Variants in JAKMIP1 observed in about 807,000 individuals in gnomAD.
The protein encoded by JAKMIP1 is janus kinase and microtubule-interacting protein 1.
JAKMIP1 carries 33 observed loss-of-function variants against 113.0 expected under a neutral mutation model. That is an observed-to-expected ratio of 0.29 (90% CI 0.22 to 0.39). The LOEUF (loss-of-function observed/expected upper bound fraction) is 0.39, where lower values mean the gene tolerates loss of function less well. Among genes scored for constraint, JAKMIP1 ranks in the 10% least tolerant of loss-of-function variants. The pLI, the probability that JAKMIP1 is intolerant of heterozygous loss-of-function variation, is 1.00. For missense variants in JAKMIP1, 813 were observed against 1,080.5 expected, an observed-to-expected ratio of 0.75 and a Z score of 3.47; for synonymous variants, 480 against 459.9, an observed-to-expected ratio of 1.04 and a Z score of -0.56.
At chr4:6,092,174 C>T (rs1462374632) in intron 3 of JAKMIP1, among the ~76,000 whole-genome samples, 2 of 152,202 alleles carry the variant, frequency 1.3e-5, no homozygotes. Context: ...CCCCTCCCTC[C>T]CAGCCGTCCT....
In JAKMIP1 at chr4:6,193,937, G is replaced by A. The variant is rs79216536; in HGVS notation, c.-148+6316C>T. ...ATGAATAGACCATTGTGTTGTATAC[G>A]CACCATGGAATACTACTCCGCCATG... On this transcript the variant is annotated intron_variant, in intron 1 of 20. Coordinates refer to ENST00000409021, the MANE Select transcript of JAKMIP1 (RefSeq NM_001099433.2). The surrounding 1 kb of genome is among the most constrained non-coding windows in gnomAD (Gnocchi z 6.4). Among the ~76,000 whole-genome samples the A allele has an allele frequency of 7.7e-3, 1,170 of 152,226 alleles. 6 individuals are homozygous for A. The highest frequency in any genetic ancestry group is 0.02 in the Middle Eastern group (6 of 294).
In JAKMIP1 at chr4:6,088,181, G is replaced by A. The variant is rs986198073; in HGVS notation, c.625-2552C>T. On this transcript the variant is annotated intron_variant, in intron 3 of 20. Transcript: ENST00000409021. This position sits in a 1 kb window ranked among gnomAD's most constrained non-coding sequence, Gnocchi z 5.5. ...AAAGAGACCAGCCGCCCTGCCCTAG[G>A]GGCTTCTATTCTGCTAGTGGGCGGA... Among the ~76,000 whole-genome samples, 1 of 152,186 alleles carries A rather than the reference G, an allele frequency of 6.6e-6. No homozygotes were observed. Among genetic ancestry groups the A allele is most frequent in the Admixed American group, 6.5e-5 (1 of 15,292 alleles).
intron 5 of JAKMIP1, 101 bp downstream of exon 5, chr4:6,084,745 G>A: frequency 8.2e-7 from 1 of 1,216,934 alleles, no homozygotes; most frequent in Non-Finnish European, 1.1e-6. Flanking sequence ...CAGAGAACCA[G>A]AAGGCTTCTG....
At position 6,059,223 on chromosome 4, in the gene JAKMIP1, G is replaced by C. The variant is rs1181936475; in HGVS notation, c.1644+1201C>G. Among the ~76,000 whole-genome samples the C allele has an allele frequency of 6.6e-6, 1 of 152,180 alleles. No homozygotes were observed. Among genetic ancestry groups the C allele is most frequent in the African/African-American group, 2.4e-5 (1 of 41,456 alleles). On this transcript the variant is annotated intron_variant, in intron 11 of 20. Transcript: ENST00000409021. The surrounding 1 kb of genome is among the most constrained non-coding windows in gnomAD (Gnocchi z 4.8). The stretch of plus-strand genomic sequence containing the variant: ...TCACATTCCCCCACGCAGTCCATTG[G>C]TAAAGTCTGCTGTGGTGACCTGCTC...
At chr4:6,175,572 T>C (rs1482679302) in intron 1 of JAKMIP1, among the ~76,000 whole-genome samples, 1 of 152,226 alleles carries the variant, frequency 6.6e-6, no homozygotes, top group Non-Finnish European at 1.5e-5. Flanking sequence ...TGATCTTCTC[T>C]GCACAGGAGA....
In JAKMIP1 at chr4:6,192,573, G is replaced by C. The variant is rs1459951258; in HGVS notation, c.-148+7680C>G. Among the ~76,000 whole-genome samples the C allele has an allele frequency of 6.6e-6, 1 of 152,204 alleles. No homozygotes were observed. The highest frequency in any genetic ancestry group is 2.4e-5 in the African/African-American group (1 of 41,440). The stretch of plus-strand genomic sequence containing the variant: ...TCACAAAAGAAGGAAGTGAAGCTCA[G>C]AAAGATGAAGGAACGAGCACTCGAT... On this transcript the variant is annotated intron_variant, in intron 1 of 20. Transcript: ENST00000409021. This position sits in a 1 kb window ranked among gnomAD's most constrained non-coding sequence, Gnocchi z 5.0.
chr4:6,112,711 C>T lies in JAKMIP1; in HGVS notation c.129+11G>A, dbSNP rs1245882839. 6.2e-7 allele frequency: 1 copy of T among 1,612,836 alleles called. No individual in the cohort carries two copies. The highest frequency in any genetic ancestry group is 8.5e-7 in the Non-Finnish European group (1 of 1,179,644). On this transcript the variant is annotated intron_variant, in intron 2 of 20. Transcript: ENST00000409021. ...CAGCCCAGCCGCTGCTGAGCTGACG[C>T]CAACCCCCACCTTGCTTTTTTCCTG...
At chr4:6,071,216 C>A (rs978909651) in intron 8 of JAKMIP1, among the ~76,000 whole-genome samples, 1 of 152,184 alleles carries the variant, frequency 6.6e-6, no homozygotes, top group Non-Finnish European at 1.5e-5. Context: ...TGAGGCACCA[C>A]CCGGCCAGGT....
Position 6,187,651 on chromosome 4 carries a change from G to A in JAKMIP1, c.-148+12602C>T, listed in dbSNP as rs990999051. 3.3e-5 allele frequency among the ~76,000 whole-genome samples: 5 copies of A among 152,212 alleles called. No individual in the cohort carries two copies. Among genetic ancestry groups the A allele is most frequent in the Non-Finnish European group, 7.3e-5 (5 of 68,030 alleles). ...GGCCTCACCAGACACTGAATCTGCC[G>A]GTACCTTGATCTTGGACTTCCCAGC... On this transcript the variant is annotated intron_variant, in intron 1 of 20. Coordinates refer to ENST00000409021, the MANE Select transcript of JAKMIP1 (RefSeq NM_001099433.2). The surrounding 1 kb of genome is among the most constrained non-coding windows in gnomAD (Gnocchi z 4.2).
At chr4:6,149,697 GT>G (rs1458996095) in intron 1 of JAKMIP1, among the ~76,000 whole-genome samples, 3 of 152,178 alleles carry the variant, frequency 2.0e-5, no homozygotes, top group South Asian at 2.1e-4. Context: ...TCCCTGCAGG[GT>G]TTTTTTCTTC....
chr4:6,098,474 A>G (rs1712222184), intron 3 of JAKMIP1, among the ~76,000 whole-genome samples: 1 of 150,568 alleles, frequency 6.6e-6, no homozygotes, highest in Admixed American at 6.6e-5. Flanking sequence ...GGCAGGAGGG[A>G]AGGAAAGAAA....
At chr4:6,048,822 C>T (rs776416200) in intron 16 of JAKMIP1, 35 bp downstream of exon 16, 53 of 1,583,266 alleles carry the variant, frequency 3.3e-5, no homozygotes, top group Non-Finnish European at 4.4e-5. Context: ...GAAGCTGGGA[C>T]AAGGTGTGAG....
rs1314834202 is a variant in JAKMIP1 at position 6,086,643 on chromosome 4, C to T, written c.625-1014G>A. 6.6e-6 allele frequency among the ~76,000 whole-genome samples: 1 copy of T among 152,096 alleles called. No homozygotes were observed. The highest frequency in any genetic ancestry group is 3.2e-3 in the Middle Eastern group (1 of 316). On this transcript the variant is annotated intron_variant, in intron 3 of 20. Transcript: ENST00000409021. This position sits in a 1 kb window ranked among gnomAD's most constrained non-coding sequence, Gnocchi z 4.1. ...CCACTCTGGCTTTTTCTGGATGCTC[C>T]AGTGAAGGCACTGTCCTGGTTGAAT... is the stretch of plus-strand genomic sequence containing the variant.
At chr4:6,079,876 C>T (rs932296930) in intron 7 of JAKMIP1, among the ~76,000 whole-genome samples, 6 of 152,220 alleles carry the variant, frequency 3.9e-5, no homozygotes, top group Non-Finnish European at 7.3e-5. Flanking sequence ...GGCCAAAAGA[C>T]ATCCTTAAAA....
In JAKMIP1 at chr4:6,097,111, C is replaced by T. The variant is rs1248636735; in HGVS notation, c.624+8362G>A. ...CAATCTGCTGGCTTCAAGCAATCCT[C>T]CCACCTGGGCCTCCTGAGTAGCTGG... On this transcript the variant is annotated intron_variant, in intron 3 of 20. Coordinates refer to ENST00000409021, the MANE Select transcript of JAKMIP1 (RefSeq NM_001099433.2). The surrounding 1 kb of genome is among the most constrained non-coding windows in gnomAD (Gnocchi z 4.3). 6.6e-6 allele frequency among the ~76,000 whole-genome samples: 1 copy of T among 152,192 alleles called. No individual in the cohort carries two copies. Among genetic ancestry groups the T allele is most frequent in the Non-Finnish European group, 1.5e-5 (1 of 68,042 alleles).
intron 9 of JAKMIP1, among the ~76,000 whole-genome samples, chr4:6,062,788 G>A (rs1263196827): frequency 2.0e-5 from 3 of 152,222 alleles, no homozygotes; most frequent in South Asian, 2.1e-4. Context: ...CCCAACTCCA[G>A]AAGCAAAGGT....
rs571100688 is a variant in JAKMIP1, at chr4:6,184,032, G to A, written c.-148+16221C>T. Among the ~76,000 whole-genome samples the A allele has an allele frequency of 6.6e-5, 10 of 152,346 alleles. No homozygotes were observed. Among genetic ancestry groups the A allele is most frequent in the African/African-American group, 2.4e-4 (10 of 41,588 alleles). On this transcript the variant is annotated intron_variant, in intron 1 of 20. Transcript: ENST00000409021. The surrounding 1 kb of genome is among the most constrained non-coding windows in gnomAD (Gnocchi z 4.5). ...TCAGAGCAACCTCACTGTCCTCACT[G>A]ACTGACCTTATAACTGGTAAATGTT...
chr4:6,118,890 T>C (rs1323770534), intron 1 of JAKMIP1, among the ~76,000 whole-genome samples: 1 of 152,228 alleles, frequency 6.6e-6, no homozygotes, highest in Non-Finnish European at 1.5e-5. Flanking sequence ...TTTGAAGATG[T>C]AACGAAGTTA....
chr4:6,098,863 C>G, intron 3 of JAKMIP1, among the ~76,000 whole-genome samples: 1 of 152,256 alleles, frequency 6.6e-6, no homozygotes. Context: ...CATCCACACT[C>G]TTATTCTAGC....
Sources: allele counts gnomAD v4.1 joint callset (sites outside exome capture counted in the v4.1 genomes callset), GRCh38; gene constraint gnomAD v4.1.1; non-coding constraint Gnocchi (gnomAD v3.1); transcripts MANE v1.5; gene names NCBI Gene and HGNC (gene_info 2026-07-23, HGNC 2026-07-21).